PAX7: variants seen among roughly 807,000 people sequenced by gnomAD.
PAX7 encodes the protein paired box 7.
PAX7 carries 18 observed loss-of-function variants against 50.7 expected under a neutral mutation model. That is an observed-to-expected ratio of 0.36 (90% CI 0.25 to 0.53). PAX7 has a LOEUF of 0.53. Ranked by LOEUF, PAX7 falls within the 20% of genes least tolerant of loss-of-function variation. The pLI, the probability that PAX7 is intolerant of heterozygous loss-of-function variation, is 0.93. For synonymous variants in PAX7, 310 were observed against 290.4 expected, an observed-to-expected ratio of 1.07 and a Z score of -0.69; for missense variants, 644 against 702.9, an observed-to-expected ratio of 0.92 and a Z score of 0.95.
At chr1:18,708,265 C>G (rs1263899053) in intron 7 of PAX7, among the ~76,000 whole-genome samples, 1 of 151,920 alleles carries the variant, frequency 6.6e-6, no homozygotes, top group Non-Finnish European at 1.5e-5. Context: ...TGTAAGAAAA[C>G]AACTTAGAGG....
At chr1:18,703,459 T>TCTTGG (rs1248432764) in intron 7 of PAX7, among the ~76,000 whole-genome samples, 163 bp downstream of exon 7, 1 of 152,238 alleles carries the variant, frequency 6.6e-6, no homozygotes, top group Non-Finnish European at 1.5e-5. Flanking sequence ...TGTCCTGTGC[T>TCTTGG]CTTGGCTTTT....
intron 6 of PAX7, among the ~76,000 whole-genome samples, chr1:18,701,968 C>T (rs566999377): frequency 6.6e-6 from 1 of 152,258 alleles, no homozygotes; most frequent in East Asian, 1.9e-4. Context: ...CCCTACCTCA[C>T]CGGAACTTGC....
chr1:18,692,307 C>T (rs888387158), intron 5 of PAX7, among the ~76,000 whole-genome samples: 3 of 151,084 alleles, frequency 2.0e-5, no homozygotes, highest in African/African-American at 4.9e-5. Flanking sequence ...TTCGGGAGGC[C>T]GAGGTGGGCG....
At position 18,741,707 on chromosome 1, in the gene PAX7, G is replaced by A. The variant is rs553162810; in HGVS notation, c.1403-3107G>A. 1.8e-4 allele frequency among the ~76,000 whole-genome samples: 27 copies of A among 152,238 alleles called. 1 individual carries two copies. The highest frequency in any genetic ancestry group is 1.2e-4 in the Non-Finnish European group (8 of 68,044). ...GAAGTAAGGAGGGGAGGCAGCGGCT[G>A]CTGTGACTCCGGGAAAGTGTCACCT... On this transcript the variant is annotated intron_variant, in intron 8 of 8. Transcript: ENST00000420770.
At chr1:18,722,814 A>G (rs1182582579) in intron 7 of PAX7, among the ~76,000 whole-genome samples, 1 of 152,182 alleles carries the variant, frequency 6.6e-6, no homozygotes, top group Non-Finnish European at 1.5e-5. Context: ...AGACCTGGGT[A>G]AATAGGTATA....
rs3216186 is a variant in PAX7 at position 18,725,302 on chromosome 1, G to GCCCCCCCCCCCC, written c.1156-10320_1156-10319insCCCCCCCCCCCC. 6.0e-4 allele frequency among the ~76,000 whole-genome samples: 64 copies of GCCCCCCCCCCCC among 106,336 alleles called. 6 individuals carry two copies. The highest frequency in any genetic ancestry group is 9.7e-4 in the Non-Finnish European group (50 of 51,594). The allele number at this position is 106,336 out of a possible 152,430, so 69.8% of individuals were successfully genotyped here. On this transcript the variant is annotated intron_variant, in intron 7 of 8. Transcript: ENST00000420770. Reference sequence around the variant, plus strand: ...CTCCACCAATTACAGAGGTGGAGACGCCCCCCCCCCGCCCCACCAACACCG... The same window carrying GCCCCCCCCCCCC: ...CTCCACCAATTACAGAGGTGGAGACGCCCCCCCCCCCCCCCCCCCCCCGCCCCACCAACACCG...
chr1:18,727,621 G>T (rs1293553456), intron 7 of PAX7, among the ~76,000 whole-genome samples: 1 of 152,168 alleles, frequency 6.6e-6, no homozygotes, highest in East Asian at 1.9e-4. Context: ...GTACTTCCTA[G>T]AGTCATGATG....
chr1:18,722,844 G>A (rs4920341), intron 7 of PAX7, among the ~76,000 whole-genome samples: 33,459 of 152,114 alleles, frequency 0.22, 4,570 homozygotes, highest in Non-Finnish European at 0.31. Context: ...ATTTTGAGTT[G>A]TGTCACCTCC....
rs760620403 is a variant in PAX7, at chr1:18,691,826, G to A, written c.659G>A (p.Ser220Asn). The change falls in exon 5 of 9, where the codon AGT becomes AAT. Residue 220 changes from serine to asparagine, a missense_variant. By Grantham distance (46) the Ser-to-Asn change is conservative (BLOSUM62 1). Transcript: ENST00000420770. ...DLPLKRKQRR[S>N]RTTFTAEQLE... is the part of the protein sequence containing the mutation. ...CCACTGAAGCGCAAGCAGCGACGCA[G>A]TCGGACCACATTCACGGCCGAGCAG... 2 of 1,612,984 alleles carry A rather than the reference G, an allele frequency of 1.2e-6. No homozygotes were observed. Among genetic ancestry groups the A allele is most frequent in the South Asian group, 1.1e-5 (1 of 90,796 alleles).
intron 8 of PAX7, among the ~76,000 whole-genome samples, chr1:18,736,599 T>A (rs1377957451): frequency 6.6e-6 from 1 of 152,222 alleles, no homozygotes; most frequent in Non-Finnish European, 1.5e-5. Flanking sequence ...TTTTACATTC[T>A]CTTCTTTATG....
chr1:18,705,712 T>C (rs1227886679), intron 7 of PAX7, among the ~76,000 whole-genome samples: 4 of 152,136 alleles, frequency 2.6e-5, no homozygotes, highest in Non-Finnish European at 5.9e-5. Flanking sequence ...ATCTCCCCCA[T>C]GGCAAGGAGA....
At chr1:18,731,984 C>T (rs1013652111) in intron 7 of PAX7, among the ~76,000 whole-genome samples, 6 of 152,184 alleles carry the variant, frequency 3.9e-5, no homozygotes, top group African/African-American at 1.2e-4. Flanking sequence ...CTTGCTATTT[C>T]CTAAACCTGC....
chr1:18,704,535 G>A (rs1001293022), intron 7 of PAX7, among the ~76,000 whole-genome samples: 4 of 152,060 alleles, frequency 2.6e-5, no homozygotes, highest in African/African-American at 9.7e-5. Context: ...CGAGAGAATC[G>A]CTTGAACCTG....
intron 5 of PAX7, 71 bp downstream of exon 5, chr1:18,692,024 T>A (rs2089078982): frequency 6.8e-7 from 1 of 1,465,282 alleles, no homozygotes; most frequent in East Asian, 2.4e-5. Flanking sequence ...ATGGCCAAGG[T>A]CAGTGGGTTT....
At chr1:18,662,082 G>A (rs934607993) in intron 4 of PAX7, among the ~76,000 whole-genome samples, 1 of 151,592 alleles carries the variant, frequency 6.6e-6, no homozygotes, top group Non-Finnish European at 1.5e-5. Flanking sequence ...CCTGCTCTGG[G>A]GTTGGGCAAC....
intron 4 of PAX7, among the ~76,000 whole-genome samples, chr1:18,672,604 T>G (rs904122048): frequency 2.7e-5 from 4 of 147,586 alleles, no homozygotes; most frequent in East Asian, 4.0e-4. Flanking sequence ...GTGTTTTTTT[T>G]TTTTTTTTTT....
intron 4 of PAX7, among the ~76,000 whole-genome samples, chr1:18,639,323 AT>A (rs1462551222): frequency 3.9e-5 from 6 of 151,928 alleles, no homozygotes; most frequent in African/African-American, 1.5e-4. Context: ...TTGAGCTTTT[AT>A]TTCTGTGCAC....
intron 7 of PAX7, among the ~76,000 whole-genome samples, chr1:18,718,279 G>A (rs2089452145): frequency 6.6e-6 from 1 of 152,184 alleles, no homozygotes; most frequent in South Asian, 2.1e-4. Context: ...TCAGAGCGGG[G>A]TGCCAGCAGA....
At position 18,744,939 on chromosome 1, in the gene PAX7, G is replaced by A. The variant is rs1931369985; in HGVS notation, c.*10G>A. 1 of 1,482,342 alleles carries A rather than the reference G, an allele frequency of 6.7e-7. No homozygotes were observed. Among genetic ancestry groups the A allele is most frequent in the Non-Finnish European group, 9.2e-7 (1 of 1,083,712 alleles). 91.8% of individuals were successfully genotyped at this position (1,482,342 alleles called of 1,614,324 possible). A position where few individuals can be genotyped will look rare whatever the true frequency, so the allele number is the denominator to read the frequency against. On this transcript the variant is annotated 3_prime_UTR_variant, in exon 9 of 9. Transcript: ENST00000420770. ...TGGCCAGGCCTACTAGGGCCCCTGG[G>A]GCGACTTGCCCCAGCCCAATTCCCA...
Sources: allele counts gnomAD v4.1 joint callset (sites outside exome capture counted in the v4.1 genomes callset), GRCh38; gene constraint gnomAD v4.1.1; transcripts MANE v1.5; gene names NCBI Gene and HGNC (gene_info 2026-07-23, HGNC 2026-07-21).